The following PRDM2 variants were observed in gnomAD, a reference collection of about 807,000 sequenced individuals.
PRDM2 encodes PR domain zinc finger protein 2.
PRDM2 carries 30 observed loss-of-function variants against 130.0 expected under a neutral mutation model. The observed-to-expected ratio is 0.23, with a 90% CI of 0.17 to 0.31. The LOEUF (loss-of-function observed/expected upper bound fraction) is 0.31. Among genes scored for constraint, PRDM2 ranks in the 10% least tolerant of loss-of-function variants. The pLI is 1.00. For missense variants in PRDM2, 2,011 were observed against 2,108.4 expected (o/e 0.95, Z 0.90); for synonymous variants, 871 against 782.4 (o/e 1.11, Z -1.89).
At position 13,749,432 on chromosome 1, in the gene PRDM2, T is replaced by G. The variant is rs1169729317; in HGVS notation, c.456T>G (p.Ile152Met). 1.3e-6 allele frequency: 2 copies of G among 1,510,792 alleles called. No homozygotes were observed. The highest frequency in any genetic ancestry group is 2.9e-5 in the African/African-American group (2 of 69,358). The allele number at this position is 1,510,792 out of a possible 1,614,324, so 93.6% of individuals were successfully genotyped here. The change falls in exon 6 of 10, where the codon ATT (isoleucine) becomes ATG (methionine). Residue 152 changes from isoleucine to methionine, a missense_variant. Coordinates refer to ENST00000311066, the MANE Select transcript of PRDM2 (RefSeq NM_001393986.1). ...ACAACCCTGAGATAGCAGCTGCGATTGAGGAAGAGCGAGCCAGCGCCCGGA... is the reference window on the plus strand; with the variant it reads ...ACAACCCTGAGATAGCAGCTGCGATGGAGGAAGAGCGAGCCAGCGCCCGGA... ...GEDNPEIAAAIEEERASARSK... is the reference protein window; with the variant it reads ...GEDNPEIAAAMEEERASARSK...
chr1:13,713,149 C>CAGAGAT (rs1161044010), intron 1 of PRDM2, among the ~76,000 whole-genome samples: 18 of 76,960 alleles, frequency 2.3e-4, no homozygotes, highest in Admixed American at 3.7e-4. Flanking sequence ...ATTGTAGTAA[C>CAGAGAT]TATCTCCCTC....
chr1:13,816,339 G>T, intron 8 of PRDM2, 88 bp from the exon 9 acceptor site: 1 of 1,518,790 alleles, frequency 6.6e-7, no homozygotes, highest in South Asian at 1.2e-5. Flanking sequence ...GGGAAGTGGT[G>T]ACCAGCACTA....
intron 2 of PRDM2, among the ~76,000 whole-genome samples, chr1:13,726,383 C>G (rs1223086277): frequency 4.6e-5 from 7 of 152,332 alleles, no homozygotes; most frequent in South Asian, 4.1e-4. Context: ...AAGGTCAAAA[C>G]TCGTGAATCA....
intron 6 of PRDM2, chr1:13,770,264 T>C (rs1644327877): frequency 4.4e-6 from 2 of 449,710 alleles, no homozygotes; most frequent in Non-Finnish European, 8.7e-6. Flanking sequence ...ATTTGACATT[T>C]AGTATCAGCT....
At chr1:13,765,037 T>G (rs544706734) in intron 6 of PRDM2, among the ~76,000 whole-genome samples, 47 of 152,344 alleles carry the variant, frequency 3.1e-4, no homozygotes, top group Non-Finnish European at 4.7e-4. Context: ...TTGCAGTGTC[T>G]TACTACTTCA....
chr1:13,702,272 C>G (rs934133721), intron 1 of PRDM2, among the ~76,000 whole-genome samples: 1 of 152,114 alleles, frequency 6.6e-6, no homozygotes, highest in Non-Finnish European at 1.5e-5. Flanking sequence ...GAGCATGTAT[C>G]CATGCCACTA....
intron 1 of PRDM2, among the ~76,000 whole-genome samples, chr1:13,709,372 T>C (rs527947731): frequency 3.6e-4 from 55 of 152,338 alleles, no homozygotes; most frequent in Non-Finnish European, 4.3e-4. Flanking sequence ...TTAGGAATTG[T>C]GCGTGGTAGT....
intron 8 of PRDM2, among the ~76,000 whole-genome samples, chr1:13,795,523 C>T (rs1436133255): frequency 2.6e-5 from 4 of 152,184 alleles, no homozygotes; most frequent in African/African-American, 4.8e-5. Context: ...GCCCCTGTGC[C>T]GCCTTCTAGT....
chr1:13,801,998 C>T (rs996535801), intron 8 of PRDM2, among the ~76,000 whole-genome samples: 1 of 152,200 alleles, frequency 6.6e-6, no homozygotes, highest in Admixed American at 6.5e-5. Flanking sequence ...CTGCAGGCCT[C>T]CGTAGGCTCC....
intron 6 of PRDM2, among the ~76,000 whole-genome samples, chr1:13,758,269 CCCCGT>C (rs1394531567): frequency 6.6e-6 from 1 of 151,842 alleles, no homozygotes; most frequent in Admixed American, 6.6e-5. Flanking sequence ...CATGGTAAAA[CCCCGT>C]CTCTACTAAA....
At position 13,789,394 on chromosome 1, in the gene PRDM2, T is replaced by G. The variant is rs1644802574; in HGVS notation, c.5036+6563T>G. ...ACTTAATGTATGCCTGGCTGTGTTGTAGGTGCTTAGGATACATCTCTGAAC... is the reference window on the plus strand; with the variant it reads ...ACTTAATGTATGCCTGGCTGTGTTGGAGGTGCTTAGGATACATCTCTGAAC... On this transcript the variant is annotated intron_variant, in intron 8 of 9. Transcript: ENST00000311066. 2.0e-5 allele frequency among the ~76,000 whole-genome samples: 3 copies of G among 152,222 alleles called. No homozygotes were observed. In the South Asian group the frequency reaches 6.2e-4, roughly 32 times the overall value.
At chr1:13,710,858 G>A (rs1261693002) in intron 1 of PRDM2, among the ~76,000 whole-genome samples, 1 of 152,026 alleles carries the variant, frequency 6.6e-6, no homozygotes, top group Non-Finnish European at 1.5e-5. Context: ...AGGCTGAGGC[G>A]GACAGATCAC....
At chr1:13,817,917 G>A (rs948326316) in intron 9 of PRDM2, among the ~76,000 whole-genome samples, 8 of 152,170 alleles carry the variant, frequency 5.3e-5, no homozygotes, top group East Asian at 1.9e-4. Context: ...GGAGAATGGC[G>A]TGAATGCAGG....
rs1645407272 is a variant in PRDM2 at position 13,824,829 on chromosome 1, C to CTGCT, written c.*1697_*1698insTTGC. The stretch of plus-strand genomic sequence containing the variant: ...ACGAACCCCAAACCTGGCAAGTCAC[C>CTGCT]TGCAGCCCATGGTGAGCTCTGGGAA... On this transcript the variant is annotated 3_prime_UTR_variant, in exon 10 of 10. Transcript: ENST00000311066. 6.6e-6 allele frequency: 1 copy of CTGCT among 152,660 alleles called. No individual in the cohort carries two copies. The highest frequency in any genetic ancestry group is 1.5e-5 in the Non-Finnish European group (1 of 68,076). The allele number at this position is 152,660 out of a possible 1,614,324, so 9.5% of individuals were successfully genotyped here.
intron 8 of PRDM2, among the ~76,000 whole-genome samples, chr1:13,804,902 C>T (rs1031576926): frequency 5.9e-5 from 9 of 152,162 alleles, no homozygotes; most frequent in African/African-American, 2.2e-4. Context: ...CTCACCCCCA[C>T]CTGGCTTTGG....
At position 13,803,044 on chromosome 1, in the gene PRDM2, C is replaced by T. The variant is rs1241026449; in HGVS notation, c.5037-13383C>T. The stretch of plus-strand genomic sequence containing the variant: ...CGTGTCACGGGCAGTGACGGTGTTT[C>T]CAGCCGAGGTGACATTCTCCAGACT... On this transcript the variant is annotated intron_variant, in intron 8 of 9. Transcript: ENST00000311066. This position sits in a 1 kb window ranked among gnomAD's most constrained non-coding sequence, Gnocchi z 6.2. 6.6e-6 allele frequency among the ~76,000 whole-genome samples: 1 copy of T among 152,148 alleles called. No homozygotes were observed. Among genetic ancestry groups the T allele is most frequent in the Non-Finnish European group, 1.5e-5 (1 of 68,028 alleles).
chr1:13,788,329 G>A (rs1311496687), intron 8 of PRDM2, among the ~76,000 whole-genome samples: 1 of 152,202 alleles, frequency 6.6e-6, no homozygotes, highest in Non-Finnish European at 1.5e-5. Flanking sequence ...ACTCACTCGG[G>A]TAAGAGTAAA....
intron 1 of PRDM2, among the ~76,000 whole-genome samples, chr1:13,707,021 G>A (rs538070132): frequency 3.3e-5 from 5 of 151,670 alleles, no homozygotes; most frequent in South Asian, 2.1e-4. Flanking sequence ...ATAGAATCTT[G>A]TAGTAATATA....
intron 2 of PRDM2, among the ~76,000 whole-genome samples, chr1:13,716,228 T>C (rs940000998): frequency 6.7e-6 from 1 of 150,002 alleles, no homozygotes; most frequent in Non-Finnish European, 1.5e-5. Flanking sequence ...CATATTCTTA[T>C]TCATAGGTGG....
Sources: gnomAD v4.1 joint callset for allele counts (sites outside exome capture counted in the v4.1 genomes callset) on GRCh38, gnomAD v4.1.1 for gene constraint, Gnocchi (gnomAD v3.1) non-coding constraint, MANE v1.5 for transcripts, NCBI Gene and HGNC (gene_info 2026-07-23, HGNC 2026-07-21) for gene names.